TMX2: variants seen among roughly 807,000 people sequenced by gnomAD.
TMX2 encodes the protein thioredoxin related transmembrane protein 2.
In TMX2, 20 loss-of-function variants were observed where a neutral mutation model predicts 33.4. The ratio of observed to expected loss-of-function variants is 0.60; its 90% CI spans 0.42 to 0.87. TMX2 has a LOEUF of 0.87. Ranked by LOEUF, TMX2 falls within the 40% of genes least tolerant of loss-of-function variation. TMX2 has a pLI of 0.00. For missense variants in TMX2, 340 were observed against 370.7 expected, an observed-to-expected ratio of 0.92 and a Z score of 0.68; for synonymous variants, 166 against 140.7, an observed-to-expected ratio of 1.18 and a Z score of -1.27.
rs952583690 is a variant in TMX2, at chr11:57,740,900, C to G, written c.*655C>G. 1.3e-5 allele frequency: 2 copies of G among 152,278 alleles called. No homozygotes were observed. The highest frequency in any genetic ancestry group is 6.5e-5 in the Admixed American group (1 of 15,286). 9.4% of individuals were successfully genotyped at this position (152,278 alleles called of 1,614,324 possible). On this transcript the variant is annotated 3_prime_UTR_variant, in exon 8 of 8. Coordinates refer to ENST00000278422, the MANE Select transcript of TMX2 (RefSeq NM_015959.4). The stretch of plus-strand genomic sequence containing the variant: ...TTGGAGGAGAAATCCCCTGGACTTT[C>G]ACTAACCCTCTGACATACTCCCCAC...
Position 57,739,050 on chromosome 11 carries a change from A to T in TMX2, c.614+11A>T. 1.2e-6 allele frequency: 2 copies of T among 1,614,158 alleles called. No homozygotes were observed. The highest frequency in any genetic ancestry group is 1.1e-5 in the South Asian group (1 of 91,080). ...TGATGTTAGTACGCGGTATGTAAAGACCTGGGCAGAGGGTCTGAGCAGGGA... is the reference window on the plus strand; with the variant it reads ...TGATGTTAGTACGCGGTATGTAAAGTCCTGGGCAGAGGGTCTGAGCAGGGA... On this transcript the variant is annotated intron_variant, in intron 6 of 7. Coordinates refer to ENST00000278422, the MANE Select transcript of TMX2 (RefSeq NM_015959.4).
intron 1 of TMX2, among the ~76,000 whole-genome samples, chr11:57,730,872 C>T (rs1016474689): frequency 6.6e-6 from 1 of 151,610 alleles, no homozygotes; most frequent in Non-Finnish European, 1.5e-5. Context: ...AGTCATAATA[C>T]GGTTAGTAAG....
chr11:57,734,333 G>A (rs1948609770), intron 1 of TMX2, among the ~76,000 whole-genome samples: 1 of 152,200 alleles, frequency 6.6e-6, no homozygotes, highest in Non-Finnish European at 1.5e-5. Flanking sequence ...GTATGCCTGG[G>A]AAGAAAATAA....
chr11:57,726,513 T>G (rs890074569), intron 1 of TMX2, among the ~76,000 whole-genome samples: 5 of 151,970 alleles, frequency 3.3e-5, no homozygotes, highest in African/African-American at 9.7e-5. Context: ...TAAGAAGTAA[T>G]GAATGCCTGT....
chr11:57,716,156 T>C (rs1447764265), intron 1 of TMX2, among the ~76,000 whole-genome samples: 19 of 149,744 alleles, frequency 1.3e-4, no homozygotes, highest in South Asian at 2.1e-4. Flanking sequence ...CTAGTAGGGG[T>C]GGCCGGGCAG....
Position 57,740,113 on chromosome 11 carries a change from A to C in TMX2, c.759A>C (p.Arg253=). The change falls in exon 8 of 8, where the codon CGA becomes CGC. Residue 253 remains arginine (R), a synonymous_variant. Coordinates refer to ENST00000278422, the MANE Select transcript of TMX2 (RefSeq NM_015959.4). ...SWTFSEENVI[R]EFNLNELYQR... ...CTTTTGTGCAGGAGAATGTGATCCGAGAATTTAACTTAAATGAGCTATACC... is the reference window on the plus strand; with the variant it reads ...CTTTTGTGCAGGAGAATGTGATCCGCGAATTTAACTTAAATGAGCTATACC... The C allele has an allele frequency of 6.2e-7, 1 of 1,613,998 alleles. No individual in the cohort carries two copies. Among genetic ancestry groups the C allele is most frequent in the Non-Finnish European group, 8.5e-7 (1 of 1,179,868 alleles).
At chr11:57,735,582 G>A (rs1471493382) in intron 1 of TMX2, among the ~76,000 whole-genome samples, 3 of 152,128 alleles carry the variant, frequency 2.0e-5, no homozygotes, top group Non-Finnish European at 4.4e-5. Context: ...CATAGCCTCC[G>A]CTCAGAAGCT....
At chr11:57,723,243 G>A (rs762812000) in intron 1 of TMX2, among the ~76,000 whole-genome samples, 6 of 149,478 alleles carry the variant, frequency 4.0e-5, no homozygotes, top group Non-Finnish European at 7.4e-5. Flanking sequence ...ACTTTGGGAG[G>A]CCAGGGCGGA....
intron 1 of TMX2, among the ~76,000 whole-genome samples, chr11:57,727,651 C>T (rs997900792): frequency 1.3e-5 from 2 of 152,176 alleles, no homozygotes; most frequent in African/African-American, 4.8e-5. Context: ...CTTCCCATAC[C>T]TTGAAATTGC....
chr11:57,719,504 TTTTC>T (rs1028609690), intron 1 of TMX2, among the ~76,000 whole-genome samples: 1 of 147,802 alleles, frequency 6.8e-6, no homozygotes, highest in African/African-American at 2.4e-5. Context: ...AAAATTTCTT[TTTTC>T]TTTGTCTTTT....
chr11:57,739,989 C>T, intron 7 of TMX2, 110 bp from the exon 8 acceptor site: 3 of 1,502,884 alleles, frequency 2.0e-6, no homozygotes, highest in South Asian at 2.5e-5. Context: ...GATTTTTGTC[C>T]TTTGCTTACT....
intron 1 of TMX2, among the ~76,000 whole-genome samples, chr11:57,724,570 G>A (rs902050170): frequency 6.0e-5 from 9 of 149,636 alleles, no homozygotes; most frequent in African/African-American, 9.9e-5. Flanking sequence ...TGCTGGGAAC[G>A]CAAACCCTTT....
At chr11:57,731,125 G>GTTTTTTTTTT (rs757832822) in intron 1 of TMX2, among the ~76,000 whole-genome samples, 12 of 85,820 alleles carry the variant, frequency 1.4e-4, no homozygotes, top group Non-Finnish European at 1.6e-4. Context: ...TTTGTTTTTT[G>GTTTTTTTTTT]TTTTTTTTTT....
intron 1 of TMX2, among the ~76,000 whole-genome samples, chr11:57,735,937 G>A (rs944821716): frequency 2.6e-5 from 4 of 152,194 alleles, no homozygotes; most frequent in African/African-American, 9.7e-5. Flanking sequence ...ACTGCAAAAG[G>A]GAGGGGCAGT....
chr11:57,730,376 G>A (rs1290466851), intron 1 of TMX2, among the ~76,000 whole-genome samples: 9 of 126,486 alleles, frequency 7.1e-5, no homozygotes, highest in Non-Finnish European at 1.4e-4. Context: ...GCAGTGAGCC[G>A]AGATCACACC....
In TMX2 at chr11:57,717,950, A is replaced by G. The variant is rs959661988; in HGVS notation, c.189+5143A>G. ...AGTGAGAGCACAAAGATTCTAGGAT[A>G]CTGCGAGCAAATGGGGTAGAGGGGT... On this transcript the variant is annotated intron_variant, in intron 1 of 7. Transcript: ENST00000278422. 1.3e-5 allele frequency: 9 copies of G among 695,498 alleles called. No individual in the cohort carries two copies. In the African/African-American group the frequency reaches 1.6e-4, roughly 12 times the overall value. The allele number at this position is 695,498 out of a possible 1,614,324, so 43.1% of individuals were successfully genotyped here.
chr11:57,722,465 T>A (rs954984287), intron 1 of TMX2, among the ~76,000 whole-genome samples: 1 of 152,222 alleles, frequency 6.6e-6, no homozygotes, highest in African/African-American at 2.4e-5. Context: ...TTACTAATTA[T>A]CTAAAGTAAG....
Position 57,739,200 on chromosome 11 carries a change from G to A in TMX2, c.684G>A (p.Glu228=). ...TGATCCTGTTCCAAGGTGGCAAGGA[G>A]GCAATGCGGCGGCCACAGATTGACA... ...PTLILFQGGK[E]AMRRPQIDKK... The change falls in exon 7 of 8, where the codon GAG becomes GAA. Residue 228 remains glutamate, a synonymous_variant. Transcript: ENST00000278422. 6.2e-7 allele frequency: 1 copy of A among 1,614,092 alleles called. No homozygotes were observed. The highest frequency in any genetic ancestry group is 8.5e-7 in the Non-Finnish European group (1 of 1,180,014).
At chr11:57,726,740 C>T (rs1429738360) in intron 1 of TMX2, among the ~76,000 whole-genome samples, 1 of 152,220 alleles carries the variant, frequency 6.6e-6, no homozygotes, top group African/African-American at 2.4e-5. Context: ...ACAATTTAAA[C>T]ACCAAGGACC....
Sources: allele counts gnomAD v4.1 joint callset (sites outside exome capture counted in the v4.1 genomes callset), GRCh38; gene constraint gnomAD v4.1.1; transcripts MANE v1.5; gene names NCBI Gene and HGNC (gene_info 2026-07-23, HGNC 2026-07-21).